KDM2B: variants seen among roughly 807,000 people sequenced by gnomAD.
KDM2B encodes lysine demethylase 2B.
Under a neutral mutation model 150.0 loss-of-function variants are expected in KDM2B, and 26 were observed. The observed-to-expected ratio is 0.17, with a 90% CI of 0.13 to 0.24. KDM2B has a LOEUF of 0.24. Among genes scored for constraint, KDM2B ranks in the 10% least tolerant of loss-of-function variants. KDM2B has a pLI of 1.00. For synonymous variants in KDM2B, 734 were observed against 729.5 expected (o/e 1.01, Z -0.10); for missense variants, 1,265 against 1,816.9 (o/e 0.70, Z 5.52).
At chr12:121,522,110 A>C (rs1405363676) in intron 8 of KDM2B, among the ~76,000 whole-genome samples, 2 of 151,916 alleles carry the variant, frequency 1.3e-5, no homozygotes, top group African/African-American at 4.8e-5. Context: ...CATCTCAAAA[A>C]GAAAAAAAAA....
chr12:121,542,899 T>G (rs1216534618), intron 6 of KDM2B, among the ~76,000 whole-genome samples: 1 of 152,234 alleles, frequency 6.6e-6, no homozygotes, highest in Non-Finnish European at 1.5e-5. Flanking sequence ...CTTTATGCAC[T>G]GAAGTCCACC....
At chr12:121,496,493 C>CT (rs782450832) in intron 11 of KDM2B, among the ~76,000 whole-genome samples, 14,315 of 121,430 alleles carry the variant, frequency 0.12, 1,603 homozygotes, top group African/African-American at 0.25. Context: ...GCTCATTGTC[C>CT]TTTTTTTTTT....
In KDM2B at chr12:121,443,801, G is replaced by C. The variant is rs782671341; in HGVS notation, c.2452-8C>G. ...CGTTTGAAGCGATGAGGCCTAAAGG[G>C]GGGTGGAGTGGGAAGAGGAGTGACT... On this transcript the variant is annotated splice_region_variant and splice_polypyrimidine_tract_variant and intron_variant, in intron 16 of 22. Coordinates refer to ENST00000377071, the MANE Select transcript of KDM2B (RefSeq NM_032590.5). 9.8e-6 allele frequency: 15 copies of C among 1,532,332 alleles called. No homozygotes were observed. In the South Asian group the frequency reaches 1.3e-4, roughly 13 times the overall value. The allele number at this position is 1,532,332 out of a possible 1,614,324, so 94.9% of individuals were successfully genotyped here.
chr12:121,515,739 G>A (rs782610684), intron 9 of KDM2B, among the ~76,000 whole-genome samples: 32 of 151,942 alleles, frequency 2.1e-4, no homozygotes, highest in Non-Finnish European at 4.3e-4. Flanking sequence ...TGGCCTCAAG[G>A]CCTCCTCCCA....
At position 121,452,977 on chromosome 12, in the gene KDM2B, G is replaced by A. The variant is rs1877558508; in HGVS notation, c.1959+143C>T. Reference sequence around the variant, plus strand: ...CCTGCGAAGCGGCCAGCGCCTTCCCGTCCACAGGAAGAGCTCTCGGGGAGT... The same window carrying A: ...CCTGCGAAGCGGCCAGCGCCTTCCCATCCACAGGAAGAGCTCTCGGGGAGT... On this transcript the variant is annotated intron_variant, in intron 13 of 22. Transcript: ENST00000377071. The surrounding 1 kb of genome is among the most constrained non-coding windows in gnomAD (Gnocchi z 4.4). 4 of 765,718 alleles carry A rather than the reference G, an allele frequency of 5.2e-6. No individual in the cohort carries two copies. The highest frequency in any genetic ancestry group is 3.1e-5 in the Admixed American group (1 of 32,100). The allele number at this position is 765,718 out of a possible 1,614,324, so 47.4% of individuals were successfully genotyped here. A position where few individuals can be genotyped will look rare whatever the true frequency, so the allele number is the denominator to read the frequency against.
chr12:121,560,671 C>T (rs1023633830), intron 4 of KDM2B, among the ~76,000 whole-genome samples: 2 of 152,058 alleles, frequency 1.3e-5, no homozygotes, highest in Admixed American at 6.6e-5. Flanking sequence ...AGACGGGGGC[C>T]GCCAGTCCCT....
chr12:121,415,034 T>C, the KDM2B span, among the ~76,000 whole-genome samples: 1 of 152,010 alleles, frequency 6.6e-6, no homozygotes, highest in East Asian at 1.9e-4. Flanking sequence ...AGGCGGACGT[T>C]GCAGTGAGCC....
At chr12:121,488,361 C>T (rs920362173) in intron 12 of KDM2B, among the ~76,000 whole-genome samples, 7 of 152,090 alleles carry the variant, frequency 4.6e-5, no homozygotes, top group South Asian at 2.1e-4. Context: ...ACCATAATTA[C>T]GAAAAACTAG....
intron 22 of KDM2B, among the ~76,000 whole-genome samples, chr12:121,438,203 G>A (rs551100906): frequency 1.5e-3 from 223 of 149,192 alleles, no homozygotes; most frequent in African/African-American, 5.3e-3. Context: ...GGAGTGAGCC[G>A]AGATCGCACC....
intron 1 of KDM2B, chr12:121,580,433 G>C: frequency 1.7e-6 from 2 of 1,159,998 alleles, no homozygotes; most frequent in Non-Finnish European, 1.1e-6. Context: ...CGCCGTTAGC[G>C]CCGTGGCATC....
chr12:121,493,396 C>T (rs1883574934), intron 12 of KDM2B, among the ~76,000 whole-genome samples: 1 of 151,940 alleles, frequency 6.6e-6, no homozygotes, highest in South Asian at 2.1e-4. Context: ...TTGGTATAAC[C>T]CATCTTTATA....
chr12:121,456,469 G>A (rs1040954307), intron 12 of KDM2B, among the ~76,000 whole-genome samples: 3 of 152,276 alleles, frequency 2.0e-5, no homozygotes, highest in African/African-American at 7.2e-5. Context: ...TGCTATGGGC[G>A]GCGTCTAAGG....
At position 121,575,597 on chromosome 12, in the gene KDM2B, A is replaced by T. The variant is rs1275383409; in HGVS notation, c.350+184T>A. Among the ~76,000 whole-genome samples the T allele has an allele frequency of 2.6e-5, 4 of 152,208 alleles. No individual in the cohort carries two copies. Among genetic ancestry groups the T allele is most frequent in the Non-Finnish European group, 4.4e-5 (3 of 68,038 alleles). ...TCTCTGCCCAAAGTCCCTGCAAAAGACCAGTCTTTGGAGAGTGTTTCCCCT... is the reference window on the plus strand; with the variant it reads ...TCTCTGCCCAAAGTCCCTGCAAAAGTCCAGTCTTTGGAGAGTGTTTCCCCT... On this transcript the variant is annotated intron_variant, in intron 3 of 22. Coordinates refer to ENST00000377071, the MANE Select transcript of KDM2B (RefSeq NM_032590.5). The surrounding 1 kb of genome is among the most constrained non-coding windows in gnomAD (Gnocchi z 4.4).
At position 121,442,424 on chromosome 12, in the gene KDM2B, CG is replaced by C. The variant is rs1555288650; in HGVS notation, c.3016del (p.Arg1006GlyfsTer37). The C allele has an allele frequency of 2.5e-6, 4 of 1,598,118 alleles. No individual in the cohort carries two copies. On this transcript the variant is annotated frameshift_variant, in exon 19 of 23. Coordinates refer to ENST00000377071, the MANE Select transcript of KDM2B (RefSeq NM_032590.5). LOFTEE classifies it high-confidence loss of function. The surrounding 1 kb of genome is among the most constrained non-coding windows in gnomAD (Gnocchi z 7.7). The part of the protein sequence containing the change: ...RFSKGLNGTP[R>X]ELRHQLGPSL... ...GGGCCCCAGCTGGTGCCGCAGCTCC[CG>C]GGGGGTGCCGTTGAGCCCCTTGCTG...
rs1445994012 is a variant in KDM2B, at chr12:121,518,357, T to C, written c.1047+2628A>G. ...CCTTGGCTCCTAAGGCATAAACAAT[T>C]GGGCCTCGTAGCCAAGTCCCTCTCT... On this transcript the variant is annotated intron_variant, in intron 9 of 22. Transcript: ENST00000377071. This position sits in a 1 kb window ranked among gnomAD's most constrained non-coding sequence, Gnocchi z 4.4. Among the ~76,000 whole-genome samples the C allele has an allele frequency of 6.6e-6, 1 of 152,144 alleles. No homozygotes were observed. Among genetic ancestry groups the C allele is most frequent in the African/African-American group, 2.4e-5 (1 of 41,418 alleles).
chr12:121,510,151 A>T, intron 10 of KDM2B, 112 bp from the exon 11 acceptor site: 1 of 945,648 alleles, frequency 1.1e-6, no homozygotes, highest in Non-Finnish European at 1.6e-6. Context: ...CAGCTTCTCT[A>T]ACAATCCTAA....
intron 6 of KDM2B, among the ~76,000 whole-genome samples, chr12:121,540,486 C>T (rs1486511517): frequency 6.7e-6 from 1 of 150,336 alleles, no homozygotes; most frequent in Non-Finnish European, 1.5e-5. Flanking sequence ...CAGTGGCTCA[C>T]ACCTATAATC....
intron 12 of KDM2B, among the ~76,000 whole-genome samples, chr12:121,460,253 C>G (rs1878911675): frequency 6.6e-6 from 1 of 152,204 alleles, no homozygotes; most frequent in Non-Finnish European, 1.5e-5. Context: ...GCATTACACT[C>G]TGGAAAAAGA....
intron 7 of KDM2B, 98 bp downstream of exon 7, chr12:121,534,399 T>G: frequency 1.2e-6 from 1 of 830,868 alleles, no homozygotes; most frequent in Non-Finnish European, 2.1e-6. Context: ...GCAGGGCTGG[T>G]TGGAGGAGGG....
Sources: gnomAD v4.1 joint callset for allele counts (sites outside exome capture counted in the v4.1 genomes callset) on GRCh38, gnomAD v4.1.1 for gene constraint, Gnocchi (gnomAD v3.1) non-coding constraint, MANE v1.5 for transcripts, NCBI Gene and HGNC (gene_info 2026-07-23, HGNC 2026-07-21) for gene names.